The following SLC4A4 variants were observed in gnomAD, a reference collection of about 807,000 sequenced individuals.
The protein encoded by SLC4A4 is solute carrier family 4 member 4.
In SLC4A4, 27 loss-of-function variants were observed where a neutral mutation model predicts 111.5. The observed-to-expected ratio is 0.24, with a 90% CI of 0.18 to 0.33. The LOEUF (loss-of-function observed/expected upper bound fraction) is 0.33. Among genes scored for constraint, SLC4A4 ranks in the 10% least tolerant of loss-of-function variants. The pLI, the probability that SLC4A4 is intolerant of heterozygous loss-of-function variation, is 1.00. For missense variants in SLC4A4, 909 were observed against 1,315.5 expected (o/e 0.69, Z 4.78); for synonymous variants, 443 against 463.4 (o/e 0.96, Z 0.57).
At chr4:71,168,336 T>A (rs1578545187) in intron 2 of SLC4A4, among the ~76,000 whole-genome samples, 1 of 151,826 alleles carries the variant, frequency 6.6e-6, no homozygotes, top group Non-Finnish European at 1.5e-5. Flanking sequence ...CCCACGCCAC[T>A]GTGCCTGGCT....
intron 6 of SLC4A4, among the ~76,000 whole-genome samples, chr4:71,374,564 T>G (rs942564677): frequency 1.3e-5 from 2 of 152,214 alleles, no homozygotes; most frequent in Non-Finnish European, 2.9e-5. Context: ...CCTGAATTTA[T>G]GAAAAACATA....
At chr4:71,472,008 A>C (rs1027171901) in intron 13 of SLC4A4, among the ~76,000 whole-genome samples, 1 of 151,730 alleles carries the variant, frequency 6.6e-6, no homozygotes, top group East Asian at 2.0e-4. Flanking sequence ...TTCTAATTCC[A>C]CCTCATGTTG....
At chr4:71,219,402 T>C (rs1467718005) in intron 1 of SLC4A4, among the ~76,000 whole-genome samples, 9 of 152,222 alleles carry the variant, frequency 5.9e-5, no homozygotes, top group Non-Finnish European at 1.5e-5. Context: ...TTACTGAATA[T>C]TTTAAGCTCA....
chr4:71,317,790 A>G (rs1726808172), intron 3 of SLC4A4, among the ~76,000 whole-genome samples: 1 of 152,052 alleles, frequency 6.6e-6, no homozygotes, highest in South Asian at 2.1e-4. Flanking sequence ...TGCTAAGTCT[A>G]GATCTCCCCA....
chr4:71,343,428 A>T, intron 4 of SLC4A4, among the ~76,000 whole-genome samples: 1 of 152,206 alleles, frequency 6.6e-6, no homozygotes, highest in Admixed American at 6.5e-5. Context: ...ATTGGAATCA[A>T]CTAATCGGAG....
rs1170567542 is a variant in SLC4A4, at chr4:71,482,678, C to CTATCCAAATAG, written c.1904-4265_1904-4255dup. Among the ~76,000 whole-genome samples the CTATCCAAATAG allele has an allele frequency of 2.6e-5, 4 of 151,658 alleles. No individual in the cohort carries two copies. In the East Asian group the frequency reaches 7.8e-4, roughly 30 times the overall value. ...GCTCAAGAAGGGAAGCTTCTCAACA[C>CTATCCAAATAG]TATCCAAATAGTATCTGTAATTTCA... On this transcript the variant is annotated intron_variant, in intron 14 of 25. Transcript: ENST00000264485.
At chr4:71,296,910 T>C (rs1578778428) in intron 3 of SLC4A4, among the ~76,000 whole-genome samples, 1 of 152,340 alleles carries the variant, frequency 6.6e-6, no homozygotes, top group Middle Eastern at 3.4e-3. Flanking sequence ...TAGTTCGTTC[T>C]CTCATCTGGA....
At chr4:71,100,275 C>T (rs1323621110) in intron 2 of SLC4A4, among the ~76,000 whole-genome samples, 3 of 152,028 alleles carry the variant, frequency 2.0e-5, no homozygotes, top group Admixed American at 2.0e-4. Context: ...GACTTCATAC[C>T]CAGGATGCAA....
rs752745817 is a variant in SLC4A4, at chr4:71,276,845, C to T, written c.253+21446C>T. Among the ~76,000 whole-genome samples, 25 of 151,950 alleles carry T rather than the reference C, an allele frequency of 1.6e-4. 1 individual carries two copies. The highest frequency in any genetic ancestry group is 5.8e-4 in the African/African-American group (24 of 41,412). Reference sequence around the variant, plus strand: ...GGTGGATCCCTTGAGCCCAGGAGTTCGAGACCAGCCTGGGCAATATGGCAA... The same window carrying T: ...GGTGGATCCCTTGAGCCCAGGAGTTTGAGACCAGCCTGGGCAATATGGCAA... On this transcript the variant is annotated intron_variant, in intron 3 of 25. Transcript: ENST00000264485.
At chr4:71,433,149 T>G (rs538451302) in intron 7 of SLC4A4, among the ~76,000 whole-genome samples, 1 of 151,956 alleles carries the variant, frequency 6.6e-6, no homozygotes, top group African/African-American at 2.4e-5. Context: ...CCTTCTTTTC[T>G]CAAAACCTCA....
intron 3 of SLC4A4, among the ~76,000 whole-genome samples, chr4:71,258,151 G>C (rs1264918891): frequency 6.6e-6 from 1 of 152,160 alleles, no homozygotes; most frequent in Non-Finnish European, 1.5e-5. Context: ...GTCCTGTGAT[G>C]TGCCATTCTC....
At chr4:71,073,802 C>T (rs1472788025) in intron 1 of SLC4A4, among the ~76,000 whole-genome samples, 1 of 151,922 alleles carries the variant, frequency 6.6e-6, no homozygotes, top group Non-Finnish European at 1.5e-5. Flanking sequence ...CCAGAAAAGG[C>T]CGGGTGCGGT....
rs755073933 is a variant in SLC4A4 at position 71,181,811 on chromosome 4, CA to C, written c.-1-54764del. 3.9e-5 allele frequency among the ~76,000 whole-genome samples: 6 copies of C among 152,272 alleles called. No individual in the cohort carries two copies. The East Asian group carries it at 1.2e-3, about 29-fold the overall frequency. On this transcript the variant is annotated intron_variant, in intron 2 of 26. Transcript: ENST00000649996. ...TCAGAAAGACCTTCCTTGACCCCCC[CA>C]CTTGAAAGCAGCTGTCCCTTGCCCT... is the stretch of plus-strand genomic sequence containing the variant.
At chr4:71,396,367 G>A in intron 6 of SLC4A4, among the ~76,000 whole-genome samples, 1 of 152,256 alleles carries the variant, frequency 6.6e-6, no homozygotes, top group South Asian at 2.1e-4. Context: ...TTAAATAGCT[G>A]CTGTTATATA....
chr4:71,384,497 T>C (rs2148955921), intron 6 of SLC4A4, among the ~76,000 whole-genome samples: 1 of 152,116 alleles, frequency 6.6e-6, no homozygotes, highest in South Asian at 2.1e-4. Context: ...GGAAGCCAAT[T>C]GAATGGCCTT....
chr4:71,562,844 G>T (rs1192321477), intron 23 of SLC4A4, among the ~76,000 whole-genome samples: 5 of 151,012 alleles, frequency 3.3e-5, no homozygotes, highest in Non-Finnish European at 3.0e-5. Flanking sequence ...GGATACTGTT[G>T]TTCATTAACC....
chr4:71,196,567 C>T (rs968582272), intron 1 of SLC4A4, among the ~76,000 whole-genome samples: 4 of 151,874 alleles, frequency 2.6e-5, no homozygotes, highest in Non-Finnish European at 5.9e-5. Context: ...CTTTGCACTG[C>T]CCTTTAATTG....
intron 2 of SLC4A4, among the ~76,000 whole-genome samples, chr4:71,172,707 T>C (rs1744978617): frequency 6.6e-6 from 1 of 152,220 alleles, no homozygotes; most frequent in East Asian, 1.9e-4. Context: ...TAAACAGAGA[T>C]AAAAGTCTCG....
chr4:71,303,070 A>G lies in SLC4A4; in HGVS notation c.254-36300A>G, dbSNP rs1397947781. Among the ~76,000 whole-genome samples the G allele has an allele frequency of 6.3e-4, 96 of 152,312 alleles. 1 individual carries two copies. Among genetic ancestry groups the G allele is most frequent in the Non-Finnish European group, 4.4e-5 (3 of 68,024 alleles). On this transcript the variant is annotated intron_variant, in intron 3 of 25. Transcript: ENST00000264485. ...AGGCTGTGCCAGTCTTTTTCTCTCC[A>G]TAAAGTAATTTCCATCAGACCTCAT...
Sources: gnomAD v4.1 joint callset for allele counts (sites outside exome capture counted in the v4.1 genomes callset) on GRCh38, gnomAD v4.1.1 for gene constraint, MANE v1.5 for transcripts, NCBI Gene and HGNC (gene_info 2026-07-23, HGNC 2026-07-21) for gene names.